The following KAZN variants were observed in gnomAD, a reference collection of about 807,000 sequenced individuals.
KAZN encodes kazrin.
KAZN carries 40 observed loss-of-function variants against 87.4 expected under a neutral mutation model. That is an observed-to-expected ratio of 0.46 (90% CI 0.36 to 0.60). The LOEUF (loss-of-function observed/expected upper bound fraction) is 0.60, where lower values mean the gene tolerates loss of function less well. Ranked by LOEUF, KAZN falls within the 20% of genes least tolerant of loss-of-function variation. The pLI is 0.00. For missense variants in KAZN, 898 were observed against 1,073.9 expected, an observed-to-expected ratio of 0.84 and a Z score of 2.29; for synonymous variants, 466 against 458.3, an observed-to-expected ratio of 1.02 and a Z score of -0.22.
At chr1:14,050,225 C>T (rs987398427) in intron 1 of KAZN, among the ~76,000 whole-genome samples, 4 of 150,512 alleles carry the variant, frequency 2.7e-5, no homozygotes, top group Non-Finnish European at 5.9e-5. Flanking sequence ...TGCATGTGCA[C>T]ATGTATATGT....
At chr1:14,521,315 G>A (rs778889611) in intron 2 of KAZN, among the ~76,000 whole-genome samples, 30 of 152,200 alleles carry the variant, frequency 2.0e-4, no homozygotes, top group Admixed American at 3.3e-4. Flanking sequence ...AAACAGAAAT[G>A]TCGCCCTCAC....
intron 1 of KAZN, among the ~76,000 whole-genome samples, chr1:14,787,732 C>T (rs750141950): frequency 3.3e-5 from 5 of 152,116 alleles, no homozygotes; most frequent in East Asian, 3.9e-4. Flanking sequence ...GGATGACTGG[C>T]GCCCCCTGCA....
rs1226216689 is a variant in KAZN, at chr1:14,769,332, G to C, written c.226+170109G>C. The stretch of plus-strand genomic sequence containing the variant: ...CCCTGAGTGTAGGGAACTATACCTT[G>C]GTCAGATTTTTCACCCTTGCAGGTC... On this transcript the variant is annotated intron_variant, in intron 1 of 14. Transcript: ENST00000376030. The surrounding 1 kb of genome is among the most constrained non-coding windows in gnomAD (Gnocchi z 4.1). Among the ~76,000 whole-genome samples, 3 of 151,884 alleles carry C rather than the reference G, an allele frequency of 2.0e-5. No homozygotes were observed. Among genetic ancestry groups the C allele is most frequent in the African/African-American group, 4.8e-5 (2 of 41,352 alleles).
intron 2 of KAZN, among the ~76,000 whole-genome samples, chr1:14,475,315 T>C (rs1364698185): frequency 1.3e-5 from 2 of 152,334 alleles, no homozygotes; most frequent in Middle Eastern, 3.4e-3. Flanking sequence ...AAGGAATTAA[T>C]TAAGAAGCCT....
chr1:14,362,878 C>T (rs796412277), intron 2 of KAZN, among the ~76,000 whole-genome samples: 5 of 152,254 alleles, frequency 3.3e-5, no homozygotes, highest in African/African-American at 1.2e-4. Flanking sequence ...TCTATTTCAT[C>T]CTTTGGAGTG....
chr1:15,088,709 GC>G (rs140117675), intron 8 of KAZN, among the ~76,000 whole-genome samples: 3 of 151,874 alleles, frequency 2.0e-5, no homozygotes, highest in Admixed American at 2.0e-4. Context: ...TGACCCCAAG[GC>G]CCCCCTAGAC....
intron 8 of KAZN, among the ~76,000 whole-genome samples, chr1:15,089,113 C>T (rs1386167988): frequency 6.6e-6 from 1 of 152,068 alleles, no homozygotes; most frequent in Non-Finnish European, 1.5e-5. Flanking sequence ...AATTTACTTT[C>T]GCATCTTTAT....
intron 1 of KAZN, among the ~76,000 whole-genome samples, chr1:14,054,316 A>T (rs1642461159): frequency 6.6e-6 from 1 of 152,198 alleles, no homozygotes; most frequent in Non-Finnish European, 1.5e-5. Flanking sequence ...AAACCTTTTC[A>T]TGGGTCCCTA....
intron 1 of KAZN, among the ~76,000 whole-genome samples, chr1:14,121,099 G>C (rs1003918239): frequency 2.0e-5 from 3 of 152,178 alleles, no homozygotes; most frequent in Non-Finnish European, 2.9e-5. Context: ...GAAGGAGAGG[G>C]AGAACCCCAT....
At chr1:14,015,017 C>T (rs904047689) in intron 1 of KAZN, among the ~76,000 whole-genome samples, 3 of 152,146 alleles carry the variant, frequency 2.0e-5, no homozygotes, top group Non-Finnish European at 2.9e-5. Flanking sequence ...TTTATTGCCT[C>T]TAGTCTTGCA....
At chr1:14,781,577 G>T (rs2100646999) in intron 1 of KAZN, among the ~76,000 whole-genome samples, 1 of 152,292 alleles carries the variant, frequency 6.6e-6, no homozygotes, top group African/African-American at 2.4e-5. Flanking sequence ...AAAACTGAGG[G>T]GTCCAGATAG....
intron 2 of KAZN, among the ~76,000 whole-genome samples, chr1:14,445,429 G>A (rs1224392083): frequency 6.6e-6 from 1 of 152,158 alleles, no homozygotes; most frequent in East Asian, 1.9e-4. Context: ...CCATCTATGA[G>A]CTAAGGAATG....
intron 2 of KAZN, among the ~76,000 whole-genome samples, chr1:14,187,552 C>G (rs981767903): frequency 6.6e-5 from 10 of 152,138 alleles, no homozygotes; most frequent in Admixed American, 1.3e-4. Flanking sequence ...ATGAGAGGCT[C>G]CCAGCTGAGA....
intron 2 of KAZN, among the ~76,000 whole-genome samples, chr1:14,257,619 C>T (rs1462271565): frequency 6.7e-6 from 1 of 148,408 alleles, no homozygotes; most frequent in East Asian, 2.0e-4. Flanking sequence ...ACGTTTAAAT[C>T]TTTAATCCAT....
chr1:14,281,354 A>G (rs1036852450), intron 2 of KAZN, among the ~76,000 whole-genome samples: 4 of 152,220 alleles, frequency 2.6e-5, no homozygotes, highest in African/African-American at 9.6e-5. Context: ...TTCTGCACAC[A>G]TAAAGCAAAT....
At chr1:14,603,326 T>C (rs903603719) in intron 1 of KAZN, among the ~76,000 whole-genome samples, 1 of 152,184 alleles carries the variant, frequency 6.6e-6, no homozygotes, top group Non-Finnish European at 1.5e-5. Flanking sequence ...GTTACAGAGC[T>C]CAGCAAGTAG....
intron 1 of KAZN, among the ~76,000 whole-genome samples, chr1:14,837,809 C>T (rs1028020394): frequency 2.0e-5 from 3 of 152,024 alleles, no homozygotes; most frequent in Non-Finnish European, 2.9e-5. Flanking sequence ...TCTACCTCAG[C>T]CTCTCAAAGT....
At chr1:14,940,898 CTT>C (rs66777443) in intron 1 of KAZN, among the ~76,000 whole-genome samples, 717 of 54,220 alleles carry the variant, frequency 0.013, 3 homozygotes, top group African/African-American at 0.052. Flanking sequence ...TTCTACCTTT[CTT>C]TTTTTTTTTT....
chr1:14,136,956 C>T lies in KAZN; in HGVS notation c.92-43479C>T, dbSNP rs78609359. On this transcript the variant is annotated intron_variant, in intron 1 of 16. Coordinates refer to the KAZN transcript ENST00000636203. Reference sequence around the variant, plus strand: ...GGAGTCACTAAAGGCCACCCAACGCCGAGGGAGAGAAAGACTTTGCCAGCC... The same window carrying T: ...GGAGTCACTAAAGGCCACCCAACGCTGAGGGAGAGAAAGACTTTGCCAGCC... Among the ~76,000 whole-genome samples, 1,216 of 152,138 alleles carry T rather than the reference C, an allele frequency of 8.0e-3. 15 individuals carry two copies. The highest frequency in any genetic ancestry group is 0.031 in the Middle Eastern group (9 of 294).
Sources: gnomAD v4.1 joint callset for allele counts (sites outside exome capture counted in the v4.1 genomes callset) on GRCh38, gnomAD v4.1.1 for gene constraint, Gnocchi (gnomAD v3.1) non-coding constraint, MANE v1.5 for transcripts, NCBI Gene and HGNC (gene_info 2026-07-23, HGNC 2026-07-21) for gene names.